Variants in EXOC4 observed in about 807,000 individuals in gnomAD.
EXOC4 encodes the protein SEC8-like 1.
In EXOC4, 71 loss-of-function variants were observed where a neutral mutation model predicts 107.2. The observed-to-expected ratio is 0.66, with a 90% CI of 0.55 to 0.81. The LOEUF (loss-of-function observed/expected upper bound fraction) is 0.81. EXOC4 is among the 30% of genes least tolerant of loss of function. The pLI is 0.00. For synonymous variants in EXOC4, 456 were observed against 441.2 expected, an observed-to-expected ratio of 1.03 and a Z score of -0.42; for missense variants, 1,108 against 1,189.6, an observed-to-expected ratio of 0.93 and a Z score of 1.01.
chr7:133,903,275 G>GA (rs1799496109), intron 12 of EXOC4, among the ~76,000 whole-genome samples: 1 of 152,212 alleles, frequency 6.6e-6, no homozygotes, highest in Non-Finnish European at 1.5e-5. Flanking sequence ...CGTAGGAGCA[G>GA]CATGATCTTA....
chr7:134,006,844 T>C (rs1794652940), intron 16 of EXOC4, among the ~76,000 whole-genome samples: 3 of 152,206 alleles, frequency 2.0e-5, no homozygotes, highest in African/African-American at 4.8e-5. Flanking sequence ...CCTCACGTTG[T>C]TCTGAACCAG....
chr7:133,791,031 G>A lies in EXOC4; in HGVS notation c.1515-26294G>A, dbSNP rs117531313. Among the ~76,000 whole-genome samples the A allele has an allele frequency of 5.9e-5, 9 of 152,302 alleles. No individual in the cohort carries two copies. In the East Asian group the frequency reaches 1.7e-3, roughly 29 times the overall value. On this transcript the variant is annotated intron_variant, in intron 10 of 17. Coordinates refer to ENST00000253861, the MANE Select transcript of EXOC4 (RefSeq NM_021807.4). ...TGAAAGAAGACATTTATGTAGATTG[G>A]GGGGATGTGGAAGGTTTTAATCACT...
intron 10 of EXOC4, among the ~76,000 whole-genome samples, chr7:133,734,848 C>G (rs979766798): frequency 6.6e-6 from 1 of 151,880 alleles, no homozygotes; most frequent in Non-Finnish European, 1.5e-5. Flanking sequence ...CAACCTGTAT[C>G]GGTTTCATGC....
intron 5 of EXOC4, among the ~76,000 whole-genome samples, chr7:133,338,625 T>TAAAAA (rs1554438696): frequency 4.5e-5 from 3 of 65,956 alleles, no homozygotes; most frequent in Admixed American, 1.4e-4. Context: ...AAAAAAAAAT[T>TAAAAA]TTTATTTCAT....
At chr7:133,371,014 A>T (rs1192992832) in intron 6 of EXOC4, among the ~76,000 whole-genome samples, 1 of 152,234 alleles carries the variant, frequency 6.6e-6, no homozygotes, top group Non-Finnish European at 1.5e-5. Flanking sequence ...ATTGTTTCTT[A>T]CATGTTACTT....
At chr7:133,586,111 G>A (rs1446614789) in intron 9 of EXOC4, among the ~76,000 whole-genome samples, 2 of 146,532 alleles carry the variant, frequency 1.4e-5, no homozygotes, top group Admixed American at 6.7e-5. Context: ...TAGATTCAGG[G>A]GTACATATAC....
intron 9 of EXOC4, among the ~76,000 whole-genome samples, chr7:133,564,897 A>G (rs899779134): frequency 6.6e-6 from 1 of 152,196 alleles, no homozygotes; most frequent in Non-Finnish European, 1.5e-5. Context: ...GCTAAGGTCA[A>G]GGTCAGTAGT....
intron 15 of EXOC4, among the ~76,000 whole-genome samples, chr7:133,997,889 G>A (rs1794435659): frequency 6.6e-6 from 1 of 152,126 alleles, no homozygotes; most frequent in South Asian, 2.1e-4. Context: ...AACTGGCTAG[G>A]TGATCTTAGG....
chr7:133,281,163 T>C (rs377457139), intron 2 of EXOC4, among the ~76,000 whole-genome samples: 2 of 152,128 alleles, frequency 1.3e-5, no homozygotes, highest in African/African-American at 4.8e-5. Flanking sequence ...TAAAGATGAT[T>C]TGTAGTTCTA....
intron 7 of EXOC4, among the ~76,000 whole-genome samples, chr7:133,413,480 T>C (rs1797407517): frequency 6.6e-6 from 1 of 152,128 alleles, no homozygotes; most frequent in Non-Finnish European, 1.5e-5. Context: ...TAGACTCACA[T>C]TGGGATTTTA....
intron 9 of EXOC4, among the ~76,000 whole-genome samples, chr7:133,486,507 T>C (rs1584953604): frequency 6.6e-6 from 1 of 152,306 alleles, no homozygotes; most frequent in South Asian, 2.1e-4. Flanking sequence ...GCCTTAAATA[T>C]AAGAAGCACT....
intron 10 of EXOC4, among the ~76,000 whole-genome samples, chr7:133,718,615 C>T (rs1182226376): frequency 6.6e-6 from 1 of 152,230 alleles, no homozygotes; most frequent in South Asian, 2.1e-4. Flanking sequence ...CCCTGCTTCC[C>T]CACTCACTGG....
intron 9 of EXOC4, among the ~76,000 whole-genome samples, chr7:133,605,183 A>G (rs1024179305): frequency 2.0e-5 from 3 of 152,244 alleles, no homozygotes; most frequent in South Asian, 2.1e-4. Context: ...TTCTTCAACA[A>G]ATGTTTTCTT....
At chr7:133,780,929 A>C (rs1024175710) in intron 10 of EXOC4, among the ~76,000 whole-genome samples, 5 of 152,206 alleles carry the variant, frequency 3.3e-5, no homozygotes, top group African/African-American at 9.6e-5. Flanking sequence ...TGACCATCTA[A>C]GGATCCCTTT....
At chr7:133,421,495 T>G (rs1287546882) in intron 7 of EXOC4, among the ~76,000 whole-genome samples, 1 of 152,204 alleles carries the variant, frequency 6.6e-6, no homozygotes, top group Admixed American at 6.5e-5. Context: ...CAGAGAATGT[T>G]CCTTGCAGAG....
At chr7:133,490,395 A>G (rs973648081) in intron 9 of EXOC4, among the ~76,000 whole-genome samples, 1 of 152,162 alleles carries the variant, frequency 6.6e-6, no homozygotes, top group African/African-American at 2.4e-5. Context: ...ATGCATATAC[A>G]AGTTCTGGGA....
chr7:133,901,848 T>G (rs1799458580), intron 12 of EXOC4, among the ~76,000 whole-genome samples: 1 of 152,164 alleles, frequency 6.6e-6, no homozygotes, highest in South Asian at 2.1e-4. Flanking sequence ...AGGCCTGTTA[T>G]GGACAATACT....
chr7:133,460,695 CCA>C (rs1192827878), intron 7 of EXOC4, among the ~76,000 whole-genome samples: 3 of 151,780 alleles, frequency 2.0e-5, no homozygotes, highest in Non-Finnish European at 2.9e-5. Flanking sequence ...ACACACCCAC[CCA>C]CACACACACC....
intron 1 of EXOC4, among the ~76,000 whole-genome samples, chr7:133,256,744 G>A (rs1795028360): frequency 6.6e-6 from 1 of 152,126 alleles, no homozygotes; most frequent in Admixed American, 6.5e-5. Flanking sequence ...AGTTGGGGTA[G>A]CATTTATTGT....
Sources: allele counts gnomAD v4.1 joint callset (sites outside exome capture counted in the v4.1 genomes callset), GRCh38; gene constraint gnomAD v4.1.1; transcripts MANE v1.5; gene names NCBI Gene and HGNC (gene_info 2026-07-23, HGNC 2026-07-21).